PFKL: variants seen among roughly 807,000 people sequenced by gnomAD.
PFKL encodes phosphofructokinase, liver type, also known as ATP-dependent 6-phosphofructokinase, liver type.
A neutral mutation model predicts 92.1 loss-of-function variants in PFKL; 74 were observed. The ratio of observed to expected loss-of-function variants is 0.80; its 90% confidence interval spans 0.67 to 0.97. The LOEUF is 0.97. Ranked by LOEUF, PFKL falls within the 50% of genes least tolerant of loss-of-function variation. PFKL has a pLI of 0.00. For missense variants in PFKL, 1,028 were observed against 1,116.6 expected, an observed-to-expected ratio of 0.92 and a Z score of 1.13; for synonymous variants, 494 against 456.4, an observed-to-expected ratio of 1.08 and a Z score of -1.05.
rs1466019173 is a variant in PFKL at position 44,324,070 on chromosome 21, C to T, written c.1650+152C>T. 7 of 839,158 alleles carry T rather than the reference C, an allele frequency of 8.3e-6. No individual in the cohort carries two copies. In the Admixed American group the frequency reaches 1.4e-4, roughly 17 times the overall value. 52.0% of individuals were successfully genotyped at this position (839,158 alleles called of 1,614,324 possible). On this transcript the variant is annotated intron_variant, in intron 16 of 21. Coordinates refer to ENST00000349048, the MANE Select transcript of PFKL (RefSeq NM_002626.6). ...TGGGGCACAGGCCCGGGTGAAGGGG[C>T]TCAGCTCCCTGCCATAGCCACTTCC...
At chr21:44,326,608 G>GCATGCA in intron 21 of PFKL, 107 bp from the exon 22 acceptor site, 1 of 1,312,988 alleles carries the variant, frequency 7.6e-7, no homozygotes, top group East Asian at 2.7e-5. Context: ...AGACAGAGGG[G>GCATGCA]CATGCACAGG....
chr21:44,318,551 G>T lies in PFKL; in HGVS notation c.1018G>T (p.Gly340Trp). ...DTPACVVTLS[G>W]NQSVRLPLME... ...GCCGGCCTGCGTGGTCACCCTCTCGGGGAACCAGTCAGTGCGGCTGCCCCT... is the reference window on the plus strand; with the variant it reads ...GCCGGCCTGCGTGGTCACCCTCTCGTGGAACCAGTCAGTGCGGCTGCCCCT... The change falls in exon 10 of 22, where the codon GGG becomes TGG. Residue 340 changes from glycine to tryptophan, a missense_variant. By Grantham distance (184) the Gly-to-Trp change is radical (BLOSUM62 -2). Transcript: ENST00000349048. 1.3e-6 allele frequency: 2 copies of T among 1,576,344 alleles called. No homozygotes were observed. The highest frequency in any genetic ancestry group is 1.7e-6 in the Non-Finnish European group (2 of 1,155,410).
At chr21:44,325,085 C>T (rs1291745318) in intron 18 of PFKL, 68 bp from the exon 19 acceptor site, 35 of 1,263,458 alleles carry the variant, frequency 2.8e-5, no homozygotes, top group Admixed American at 7.2e-5. Flanking sequence ...CCTGGCCCAG[C>T]GGGGACTCAG....
At chr21:44,302,244 C>T (rs2146408818) in intron 1 of PFKL, among the ~76,000 whole-genome samples, 1 of 152,382 alleles carries the variant, frequency 6.6e-6, no homozygotes, top group South Asian at 2.1e-4. Context: ...CCTTCCCAAG[C>T]CCCGTGCAGC....
intron 1 of PFKL, chr21:44,304,277 C>T (rs1418216684): frequency 3.1e-6 from 4 of 1,289,148 alleles, no homozygotes; most frequent in South Asian, 1.2e-5. Flanking sequence ...GTTCCCAGGT[C>T]CCCTGACAAG....
At position 44,325,990 on chromosome 21, in the gene PFKL, C is replaced by A; in HGVS notation, c.2019C>A (p.Asn673Lys). 6.2e-7 allele frequency: 1 copy of A among 1,613,844 alleles called. No homozygotes were observed. Among genetic ancestry groups the A allele is most frequent in the Non-Finnish European group, 8.5e-7 (1 of 1,179,958 alleles). The stretch of plus-strand genomic sequence containing the variant: ...GCGCTCCAACCCCCTTTGACCGGAA[C>A]TATGGGACCAAGCTGGGGGTGAAGG... The part of the protein sequence containing the change: ...QGGAPTPFDR[N>K]YGTKLGVKAM... Residue 673 changes from asparagine (N) to lysine (K), a missense_variant, in exon 20 of 22, where the codon AAC becomes AAA. Coordinates refer to ENST00000349048, the MANE Select transcript of PFKL (RefSeq NM_002626.6).
intron 16 of PFKL, among the ~76,000 whole-genome samples, chr21:44,324,253 AGT>A (rs771570419): frequency 6.6e-6 from 1 of 151,982 alleles, no homozygotes; most frequent in Non-Finnish European, 1.5e-5. Context: ...ACTCACAGCC[AGT>A]GTGTGTGCAG....
chr21:44,313,664 T>C lies in PFKL; in HGVS notation c.620T>C (p.Val207Ala). ...QSHQRTFVLE[V>A]MGRHCGYLAL... ...CACCAGAGGACCTTCGTGCTGGAAGTGATGGGCCGGCACTGCGGGTGAGGA... is the reference window on the plus strand; with the variant it reads ...CACCAGAGGACCTTCGTGCTGGAAGCGATGGGCCGGCACTGCGGGTGAGGA... Residue 207 changes from valine to alanine, a missense_variant, in exon 6 of 22, where the codon GTG becomes GCG. Coordinates refer to ENST00000349048, the MANE Select transcript of PFKL (RefSeq NM_002626.6). 1 of 1,612,202 alleles carries C rather than the reference T, an allele frequency of 6.2e-7. No homozygotes were observed. The highest frequency in any genetic ancestry group is 8.5e-7 in the Non-Finnish European group (1 of 1,179,614).
chr21:44,320,300 T>A (rs753927946), intron 12 of PFKL, 153 bp downstream of exon 12: 15 of 579,478 alleles, frequency 2.6e-5, no homozygotes, highest in Non-Finnish European at 4.2e-5. Flanking sequence ...GACCTCTGCC[T>A]GGGCTCAGGC....
chr21:44,305,304 C>T (rs903930508), intron 1 of PFKL: 21 of 1,363,592 alleles, frequency 1.5e-5, no homozygotes, highest in African/African-American at 3.0e-5. Flanking sequence ...AGCCCCACGC[C>T]AAGCTGGAGA....
intron 1 of PFKL, chr21:44,305,044 TG>T: frequency 2.9e-6 from 1 of 345,966 alleles, no homozygotes; most frequent in East Asian, 7.7e-5. Flanking sequence ...CTGGCCCCCC[TG>T]TTGGATCCCC....
chr21:44,305,876 A>G (rs1436484108), intron 1 of PFKL: 1 of 1,365,840 alleles, frequency 7.3e-7, no homozygotes, highest in Admixed American at 1.9e-5. Context: ...GGGCAAGGGG[A>G]CAGGAAAGAG....
At chr21:44,319,218 AG>A (rs952609276) in intron 10 of PFKL, 132 bp from the exon 11 acceptor site, 73 of 722,416 alleles carry the variant, frequency 1.0e-4, no homozygotes, top group Non-Finnish European at 1.7e-4. Flanking sequence ...TCCTAGGGAG[AG>A]GCTGCCAGGC....
chr21:44,300,141 G>A lies in PFKL; in HGVS notation c.36G>A (p.Ser12=), dbSNP rs1439853332. 8.4e-7 allele frequency: 1 copy of A among 1,193,754 alleles called. No homozygotes were observed. Among genetic ancestry groups the A allele is most frequent in the Non-Finnish European group, 1.1e-6 (1 of 946,952 alleles). 73.9% of individuals were successfully genotyped at this position (1,193,754 alleles called of 1,614,324 possible). A position where few individuals can be genotyped will look rare whatever the true frequency, so the allele number is the denominator to read the frequency against. Residue 12 remains serine (S), a synonymous_variant, in exon 1 of 22, where the codon TCG becomes TCA. Coordinates refer to ENST00000349048, the MANE Select transcript of PFKL (RefSeq NM_002626.6). Reference sequence around the variant, plus strand: ...TGGACCTGGAGAAGCTGCGGGCGTCGGGCGCGGGCAAGGCCATCGGCGTCC... The same window carrying A: ...TGGACCTGGAGAAGCTGCGGGCGTCAGGCGCGGGCAAGGCCATCGGCGTCC... The part of the protein sequence containing the change: ...AAVDLEKLRA[S]GAGKAIGVLT...
Position 44,308,119 on chromosome 21 carries a change from T to G in PFKL, c.159+1365T>G, listed in dbSNP as rs144431401. On this transcript the variant is annotated intron_variant, in intron 2 of 21. Coordinates refer to ENST00000349048, the MANE Select transcript of PFKL (RefSeq NM_002626.6). ...GTGGGGGAATGCAGGAGGGTGAGTT[T>G]ATGGGAAAAAGAATGAAGTGGGTGG... Among the ~76,000 whole-genome samples, 172 of 152,066 alleles carry G rather than the reference T, an allele frequency of 1.1e-3. 1 individual carries two copies. Among genetic ancestry groups the G allele is most frequent in the African/African-American group, 4.1e-3 (169 of 41,462 alleles).
At position 44,322,466 on chromosome 21, in the gene PFKL, GCCTGGCCAGGC is replaced by G. The variant is rs2047382143; in HGVS notation, c.1409+265_1409+275del. Among the ~76,000 whole-genome samples the G allele has an allele frequency of 5.9e-5, 9 of 152,344 alleles. No homozygotes were observed. The South Asian group carries it at 1.9e-3, about 32-fold the overall frequency. ...AGGAAGCTGGCGAGCGTCTGTCCCT[GCCTGGCCAGGC>G]CAGGCAGCCTGCACTGTCAGCACTC... On this transcript the variant is annotated intron_variant, in intron 14 of 21. Transcript: ENST00000349048.
chr21:44,315,551 A>G (rs570969330), intron 7 of PFKL: 1 of 152,956 alleles, frequency 6.5e-6, no homozygotes, highest in Non-Finnish European at 1.5e-5. Flanking sequence ...GTGGTGGGCA[A>G]ACATGGGGCT....
intron 1 of PFKL, among the ~76,000 whole-genome samples, chr21:44,303,440 A>AAAAAAAAAAAAAGACTTGATCG (rs2040832910): frequency 1.5e-5 from 1 of 68,712 alleles, no homozygotes; most frequent in African/African-American, 1.0e-4. Context: ...GACCAAAAAA[A>AAAAAAAAAAAAAGACTTGATCG]AAAAAAAAAA....
chr21:44,313,127 A>G lies in PFKL; in HGVS notation c.577A>G (p.Thr193Ala), dbSNP rs754762569. 5.6e-6 allele frequency: 9 copies of G among 1,612,552 alleles called. No homozygotes were observed. In the African/African-American group the frequency reaches 1.1e-4, roughly 19 times the overall value. ...CATCATGGAGGTCATCGATGCCATC[A>G]CCACCACTGCCCAGAGGTGAGTGAG... The part of the protein sequence containing the change: ...HRIMEVIDAI[T>A]TTAQSHQRTF... The change falls in exon 5 of 22, where the codon ACC becomes GCC. Residue 193 changes from threonine (T) to alanine (A), a missense_variant. Thr to Ala is a moderately conservative substitution (Grantham distance 58). Transcript: ENST00000349048.
Sources: gnomAD v4.1 joint callset for allele counts (sites outside exome capture counted in the v4.1 genomes callset) on GRCh38, gnomAD v4.1.1 for gene constraint, MANE v1.5 for transcripts, NCBI Gene and HGNC (gene_info 2026-07-23, HGNC 2026-07-21) for gene names.